The following ZDHHC15 variants were observed in gnomAD, a reference collection of about 807,000 sequenced individuals.
ZDHHC15 encodes zDHHC palmitoyltransferase 15, also known as palmitoyltransferase ZDHHC15.
A neutral mutation model predicts 31.7 loss-of-function variants in ZDHHC15; 19 were observed. The observed-to-expected ratio is 0.60, with a 90% CI of 0.42 to 0.88. ZDHHC15 has a LOEUF of 0.88. Ranked by LOEUF, ZDHHC15 falls within the 40% of genes least tolerant of loss-of-function variation. The pLI is 0.00. For missense variants in ZDHHC15, 209 were observed against 251.2 expected, an observed-to-expected ratio of 0.83 and a Z score of 1.14; for synonymous variants, 103 against 90.0, an observed-to-expected ratio of 1.14 and a Z score of -0.82.
chrX:75,386,449 T>A (rs2083180511), intron 10 of ZDHHC15, among the ~76,000 whole-genome samples: 1 of 112,156 alleles, frequency 8.9e-6, no homozygotes, highest in Non-Finnish European at 1.9e-5. Context: ...AAAGCCGCTG[T>A]TTAGTTCAGA....
At chrX:75,421,811 T>C in intron 9 of ZDHHC15, 53 bp downstream of exon 9, 2 of 1,172,005 alleles carry the variant, frequency 1.7e-6, no homozygotes, top group Non-Finnish European at 2.3e-6. Context: ...TTGAATTTGC[T>C]GGTTCAAGGC....
At chrX:75,459,560 C>T (rs1405570035) in intron 3 of ZDHHC15, among the ~76,000 whole-genome samples, 2 of 111,387 alleles carry the variant, frequency 1.8e-5, no homozygotes, top group African/African-American at 3.3e-5. Context: ...GGCCAGGCTG[C>T]TTCTATAAGC....
At chrX:75,380,736 C>T (rs1490276634) in intron 10 of ZDHHC15, among the ~76,000 whole-genome samples, 4 of 111,368 alleles carry the variant, frequency 3.6e-5, no homozygotes, top group African/African-American at 9.8e-5. Context: ...TCACCTCCTA[C>T]CATCTGCACC....
At chrX:75,437,555 C>A (rs368528218) in intron 4 of ZDHHC15, among the ~76,000 whole-genome samples, 2 of 97,888 alleles carry the variant, frequency 2.0e-5, no homozygotes, top group Non-Finnish European at 4.1e-5. Flanking sequence ...TTTGTTCTTG[C>A]GATAGTTTAC....
At chrX:75,377,611 C>T (rs993711755) in intron 11 of ZDHHC15, among the ~76,000 whole-genome samples, 21 of 110,717 alleles carry the variant, frequency 1.9e-4, no homozygotes, top group African/African-American at 6.5e-4. Flanking sequence ...TGCTTGAAGG[C>T]AATTTTGCTT....
chrX:75,491,779 C>T (rs2084899335), intron 2 of ZDHHC15, among the ~76,000 whole-genome samples: 2 of 110,984 alleles, frequency 1.8e-5, no homozygotes, highest in South Asian at 7.7e-4. Context: ...CCTAAAAGAG[C>T]TCCTGAAGGA....
chrX:75,422,114 G>T, intron 8 of ZDHHC15, 124 bp from the exon 9 acceptor site: 1 of 857,132 alleles, frequency 1.2e-6, no homozygotes, highest in Non-Finnish European at 1.6e-6. Context: ...TTTTTGCTGT[G>T]GTAGCACAGA....
intron 2 of ZDHHC15, among the ~76,000 whole-genome samples, chrX:75,498,556 C>A (rs1053065420): frequency 2.7e-5 from 3 of 111,204 alleles, no homozygotes; most frequent in Non-Finnish European, 5.7e-5. Flanking sequence ...AATAAAGCAA[C>A]AACTTAGGAA....
intron 1 of ZDHHC15, among the ~76,000 whole-genome samples, chrX:75,506,891 G>A (rs2085174480): frequency 9.0e-6 from 1 of 111,721 alleles, no homozygotes; most frequent in Non-Finnish European, 1.9e-5. Flanking sequence ...TCCTATCCCT[G>A]GCTGAATACT....
chrX:75,437,139 C>A (rs1342513827), intron 4 of ZDHHC15, among the ~76,000 whole-genome samples: 1 of 111,201 alleles, frequency 9.0e-6, no homozygotes. Context: ...CCCCGGCCAC[C>A]CAAAGTGCTG....
At chrX:75,450,224 CA>C (rs1334191862) in intron 4 of ZDHHC15, among the ~76,000 whole-genome samples, 1 of 111,553 alleles carries the variant, frequency 9.0e-6, no homozygotes, top group Non-Finnish European at 1.9e-5. Context: ...TGAGAGCAGA[CA>C]AAACTAATTT....
At chrX:75,453,896 A>G (rs1192630528) in intron 3 of ZDHHC15, among the ~76,000 whole-genome samples, 1 of 111,447 alleles carries the variant, frequency 9.0e-6, no homozygotes, top group Non-Finnish European at 1.9e-5. Flanking sequence ...TCTCAAAATA[A>G]TAAGAGCTAT....
chrX:75,417,476 T>C lies in ZDHHC15; in HGVS notation c.864-286A>G, dbSNP rs188542437. Among the ~76,000 whole-genome samples, 376 of 112,066 alleles carry C rather than the reference T, an allele frequency of 3.4e-3. 1 individual carries two copies. The highest frequency in any genetic ancestry group is 0.012 in the African/African-American group (361 of 30,888). On this transcript the variant is annotated intron_variant, in intron 9 of 11. Transcript: ENST00000373367. ...CAATATGCACACACAGCAAGCTTCA[T>C]ACATATCACTTAATGATGATGATAC...
chrX:75,495,374 G>T (rs1396735933), intron 2 of ZDHHC15, among the ~76,000 whole-genome samples: 1 of 111,462 alleles, frequency 9.0e-6, no homozygotes, highest in African/African-American at 3.3e-5. Flanking sequence ...TGAGTGTGGC[G>T]ATTCCTCAGG....
At chrX:75,442,997 A>AG (rs1449922713) in intron 4 of ZDHHC15, among the ~76,000 whole-genome samples, 1 of 109,601 alleles carries the variant, frequency 9.1e-6, no homozygotes, top group African/African-American at 3.3e-5. Flanking sequence ...AAAAAAAAAA[A>AG]AAAAAAGAAA....
At chrX:75,511,706 G>A (rs2085276978) in intron 1 of ZDHHC15, among the ~76,000 whole-genome samples, 1 of 102,764 alleles carries the variant, frequency 9.7e-6, no homozygotes, top group South Asian at 4.9e-4. Flanking sequence ...TCTACCAGAG[G>A]TACAAGGAGG....
At chrX:75,421,782 C>T (rs1445440602) in intron 9 of ZDHHC15, 82 bp downstream of exon 9, 1 of 1,060,940 alleles carries the variant, frequency 9.4e-7, no homozygotes, top group Non-Finnish European at 1.3e-6. Flanking sequence ...CTGATACCTG[C>T]TGCATACTAC....
intron 2 of ZDHHC15, among the ~76,000 whole-genome samples, chrX:75,493,733 C>A (rs1350611924): frequency 8.9e-6 from 1 of 112,018 alleles, no homozygotes; most frequent in Non-Finnish European, 1.9e-5. Context: ...AATTCAACAG[C>A]CCTTCATGCT....
intron 4 of ZDHHC15, among the ~76,000 whole-genome samples, chrX:75,443,662 T>C (rs940438795): frequency 2.7e-5 from 3 of 111,699 alleles, no homozygotes; most frequent in African/African-American, 9.8e-5. Context: ...AAAGAAACTA[T>C]CGTCAGAGTG....
Sources: allele counts gnomAD v4.1 joint callset (sites outside exome capture counted in the v4.1 genomes callset), GRCh38; gene constraint gnomAD v4.1.1; transcripts MANE v1.5; gene names NCBI Gene and HGNC (gene_info 2026-07-23, HGNC 2026-07-21).